ITFG1: variants seen among roughly 807,000 people sequenced by gnomAD.
The protein encoded by ITFG1 is integrin alpha FG-GAP repeat containing 1, also known as T-cell immunomodulatory protein.
A neutral mutation model predicts 81.8 loss-of-function variants in ITFG1; 34 were observed. That is an observed-to-expected ratio of 0.42 (90% CI 0.32 to 0.55). The LOEUF (loss-of-function observed/expected upper bound fraction) is 0.55, where lower values mean the gene tolerates loss of function less well. ITFG1 is among the 20% of genes least tolerant of loss of function. The pLI, the probability that ITFG1 is intolerant of heterozygous loss-of-function variation, is 0.17. For missense variants in ITFG1, 672 were observed against 755.4 expected, an observed-to-expected ratio of 0.89 and a Z score of 1.29; for synonymous variants, 285 against 270.6, an observed-to-expected ratio of 1.05 and a Z score of -0.52.
At chr16:47,290,104 A>T (rs1443721947) in intron 10 of ITFG1, among the ~76,000 whole-genome samples, 1 of 152,108 alleles carries the variant, frequency 6.6e-6, no homozygotes, top group Non-Finnish European at 1.5e-5. Context: ...CATACTGTTT[A>T]ATTTCCATAT....
intron 6 of ITFG1, among the ~76,000 whole-genome samples, chr16:47,376,393 T>C (rs1418644718): frequency 6.6e-6 from 1 of 152,208 alleles, no homozygotes; most frequent in African/African-American, 2.4e-5. Flanking sequence ...TCATGTTAAA[T>C]GAATAAATTA....
intron 14 of ITFG1, among the ~76,000 whole-genome samples, chr16:47,194,726 T>G (rs1198677947): frequency 6.6e-6 from 1 of 152,044 alleles, no homozygotes; most frequent in Non-Finnish European, 1.5e-5. Flanking sequence ...ATTTAAAACT[T>G]TATTTTAAGT....
intron 9 of ITFG1, chr16:47,312,753 A>C (rs1967286487): frequency 6.6e-6 from 1 of 152,192 alleles, no homozygotes; most frequent in African/African-American, 2.4e-5. Context: ...AAATGTATTA[A>C]GGCCTAAAAA....
At chr16:47,244,591 T>TTGTG (rs57470225) in intron 12 of ITFG1, among the ~76,000 whole-genome samples, 104 of 118,218 alleles carry the variant, frequency 8.8e-4, no homozygotes, top group African/African-American at 2.8e-3. Flanking sequence ...ATTCCATCTT[T>TTGTG]TGTGTGTGTG....
chr16:47,231,353 A>G (rs1377221713), intron 13 of ITFG1, among the ~76,000 whole-genome samples: 1 of 152,242 alleles, frequency 6.6e-6, no homozygotes, highest in Non-Finnish European at 1.5e-5. Context: ...AGGTCAGAAT[A>G]TGCCTTATAC....
In ITFG1 at chr16:47,326,346, G is replaced by A. The variant is rs531751489; in HGVS notation, c.803-12523C>T. ...TCTCAAAATAATAAGAGCTATCTAT[G>A]ACAAACCCACAGCCAATATCATACT... On this transcript the variant is annotated intron_variant, in intron 8 of 17. Transcript: ENST00000320640. 2.4e-4 allele frequency among the ~76,000 whole-genome samples: 36 copies of A among 152,282 alleles called. No individual in the cohort carries two copies. In the East Asian group the frequency reaches 6.5e-3, roughly 28 times the overall value.
intron 5 of ITFG1, among the ~76,000 whole-genome samples, chr16:47,441,510 C>A (rs990634303): frequency 6.6e-6 from 1 of 152,154 alleles, no homozygotes; most frequent in Admixed American, 6.5e-5. Flanking sequence ...CCCTGGGATG[C>A]AAGGCTGGTT....
chr16:47,286,604 C>A (rs1966870524), intron 10 of ITFG1, among the ~76,000 whole-genome samples: 1 of 151,418 alleles, frequency 6.6e-6, no homozygotes, highest in Non-Finnish European at 1.5e-5. Context: ...CATACCATTG[C>A]ACTCCAGCCT....
chr16:47,431,537 T>C (rs1438645058), intron 5 of ITFG1, among the ~76,000 whole-genome samples: 6 of 152,082 alleles, frequency 3.9e-5, no homozygotes, highest in Non-Finnish European at 8.8e-5. Flanking sequence ...GCCAAAAAGG[T>C]TGGGGACTGC....
chr16:47,314,151 C>T (rs1967314176), intron 8 of ITFG1, among the ~76,000 whole-genome samples: 1 of 152,032 alleles, frequency 6.6e-6, no homozygotes, highest in African/African-American at 2.4e-5. Flanking sequence ...TGTAACAAAC[C>T]TACACATGGA....
At chr16:47,254,139 A>G (rs1363095823) in intron 12 of ITFG1, among the ~76,000 whole-genome samples, 2 of 151,908 alleles carry the variant, frequency 1.3e-5, no homozygotes, top group Non-Finnish European at 2.9e-5. Flanking sequence ...CAAAGCATTC[A>G]AGCAGAAGCT....
At chr16:47,178,391 G>C (rs967632088) in intron 14 of ITFG1, among the ~76,000 whole-genome samples, 1 of 152,100 alleles carries the variant, frequency 6.6e-6, no homozygotes, top group East Asian at 1.9e-4. Flanking sequence ...GTCCTACTTA[G>C]TGCTCAGCAT....
intron 6 of ITFG1, among the ~76,000 whole-genome samples, chr16:47,394,244 C>T (rs1295959607): frequency 6.6e-6 from 1 of 152,100 alleles, no homozygotes; most frequent in Non-Finnish European, 1.5e-5. Context: ...GTCTGTGCTG[C>T]TTTTAAGAAA....
At chr16:47,417,135 G>C (rs1968885223) in intron 6 of ITFG1, among the ~76,000 whole-genome samples, 1 of 152,198 alleles carries the variant, frequency 6.6e-6, no homozygotes. Flanking sequence ...GAATAGCAGA[G>C]AGGCCTTTGC....
intron 6 of ITFG1, among the ~76,000 whole-genome samples, chr16:47,397,315 G>A (rs547168100): frequency 2.6e-5 from 4 of 152,318 alleles, no homozygotes; most frequent in Non-Finnish European, 4.4e-5. Flanking sequence ...AGGGAGCACA[G>A]GGGTCAGGGA....
At chr16:47,204,179 C>T (rs1965463053) in intron 14 of ITFG1, among the ~76,000 whole-genome samples, 1 of 152,040 alleles carries the variant, frequency 6.6e-6, no homozygotes, top group South Asian at 2.1e-4. Context: ...CATTTTTATC[C>T]CCAGTAAAAT....
At chr16:47,405,170 C>T (rs913746721) in intron 6 of ITFG1, among the ~76,000 whole-genome samples, 1 of 152,026 alleles carries the variant, frequency 6.6e-6, no homozygotes, top group African/African-American at 2.4e-5. Context: ...AAAACAAAAA[C>T]CTCGTATATT....
intron 13 of ITFG1, among the ~76,000 whole-genome samples, chr16:47,231,639 A>G (rs1219829996): frequency 6.6e-6 from 1 of 152,220 alleles, no homozygotes; most frequent in Non-Finnish European, 1.5e-5. Context: ...CCCTACCAAT[A>G]TAGGGATGTT....
At chr16:47,188,250 G>A (rs1462875103) in intron 14 of ITFG1, among the ~76,000 whole-genome samples, 7 of 151,970 alleles carry the variant, frequency 4.6e-5, no homozygotes, top group Middle Eastern at 3.4e-3. Flanking sequence ...TGACCCAGCC[G>A]TCCCATTACT....
Sources: gnomAD v4.1 joint callset for allele counts (sites outside exome capture counted in the v4.1 genomes callset) on GRCh38, gnomAD v4.1.1 for gene constraint, MANE v1.5 for transcripts, NCBI Gene and HGNC (gene_info 2026-07-23, HGNC 2026-07-21) for gene names.